UGGT2: variants seen among roughly 807,000 people sequenced by gnomAD.
The protein encoded by UGGT2 is UDP-glucose glycoprotein glucosyltransferase 2.
Under a neutral mutation model 192.1 loss-of-function variants are expected in UGGT2, and 180 were observed. The observed-to-expected ratio is 0.94, with a 90% CI of 0.83 to 1.06. The LOEUF is 1.06. Ranked by LOEUF, UGGT2 falls within the 50% of genes least tolerant of loss-of-function variation. The probability of loss-of-function intolerance (pLI) is 0.00; values close to 1 mark genes in which losing one functional copy is unlikely to be tolerated. For missense variants in UGGT2, 1,849 were observed against 1,795.7 expected, an observed-to-expected ratio of 1.03 and a Z score of -0.54; for synonymous variants, 580 against 591.0, an observed-to-expected ratio of 0.98 and a Z score of 0.27.
chr13:96,023,588 C>A (rs754218083), intron 3 of UGGT2, 41 bp downstream of exon 3: 1 of 1,575,538 alleles, frequency 6.3e-7, no homozygotes, highest in Admixed American at 1.8e-5. Flanking sequence ...ACATTGCTAG[C>A]GTGCCTCTTT....
intron 15 of UGGT2, among the ~76,000 whole-genome samples, chr13:95,942,219 A>AGGGGGTGTGTGTGTGTGTGTGT (rs201157034): frequency 1.4e-5 from 1 of 72,112 alleles, no homozygotes; most frequent in Non-Finnish European, 2.8e-5. Context: ...TCTTAGGGTG[A>AGGGGGTGTGTGTGTGTGTGTGT]GGGTGTGTGT....
intron 29 of UGGT2, among the ~76,000 whole-genome samples, chr13:95,870,337 T>C (rs1891111026): frequency 6.6e-6 from 1 of 152,218 alleles, no homozygotes; most frequent in Non-Finnish European, 1.5e-5. Flanking sequence ...GCTAAGGTTT[T>C]GGTTGATAAT....
intron 38 of UGGT2, among the ~76,000 whole-genome samples, chr13:95,829,426 G>A (rs1010505600): frequency 1.5e-4 from 23 of 152,262 alleles, no homozygotes; most frequent in African/African-American, 4.6e-4. Flanking sequence ...AAACCCCATC[G>A]TCTCAACCCC....
intron 1 of UGGT2, among the ~76,000 whole-genome samples, chr13:96,041,899 G>T (rs1206622421): frequency 6.6e-6 from 1 of 151,862 alleles, no homozygotes; most frequent in Non-Finnish European, 1.5e-5. Context: ...GCCCAGACAT[G>T]CCCTAGAAAT....
intron 38 of UGGT2, among the ~76,000 whole-genome samples, chr13:95,804,757 G>T (rs1419488541): frequency 1.3e-5 from 2 of 152,050 alleles, no homozygotes; most frequent in Non-Finnish European, 2.9e-5. Context: ...GAATAAAGCT[G>T]AACTCCTATC....
At chr13:95,960,234 A>G (rs1340173035) in intron 12 of UGGT2, among the ~76,000 whole-genome samples, 1 of 152,252 alleles carries the variant, frequency 6.6e-6, no homozygotes, top group Non-Finnish European at 1.5e-5. Context: ...CTCCAGCAAC[A>G]GATCCCAATC....
chr13:95,887,014 C>T (rs1448082017), intron 26 of UGGT2, among the ~76,000 whole-genome samples: 1 of 151,782 alleles, frequency 6.6e-6, no homozygotes, highest in Non-Finnish European at 1.5e-5. Context: ...GTGATGGTGC[C>T]CCAGCCTGGA....
At chr13:96,020,491 T>C (rs182238515) in intron 4 of UGGT2, among the ~76,000 whole-genome samples, 15 of 152,260 alleles carry the variant, frequency 9.9e-5, no homozygotes, top group Non-Finnish European at 1.2e-4. Context: ...TCACAAACAT[T>C]GACAGCATTC....
In UGGT2 at chr13:95,888,467, A is replaced by C. The variant is rs1488211972; in HGVS notation, c.2959-496T>G. 2.0e-5 allele frequency among the ~76,000 whole-genome samples: 3 copies of C among 152,314 alleles called. No individual in the cohort carries two copies. The East Asian group carries it at 5.8e-4, about 29-fold the overall frequency. On this transcript the variant is annotated intron_variant, in intron 25 of 38. Coordinates refer to ENST00000376747, the MANE Select transcript of UGGT2 (RefSeq NM_020121.4). ...ACTAATTTTGATAGTCCCCATCTCC[A>C]CATAGGCAACATGTCAGTGAAGATT...
chr13:95,989,637 T>C lies in UGGT2; in HGVS notation c.931+336A>G, dbSNP rs1007185571. 5 of 342,424 alleles carry C rather than the reference T, an allele frequency of 1.5e-5. No homozygotes were observed. In the Admixed American group the frequency reaches 1.6e-4, roughly 11 times the overall value. The allele number at this position is 342,424 out of a possible 1,614,324, so 21.2% of individuals were successfully genotyped here. ...AGAAGAAAACCAAGATTAAGTTTCA[T>C]TTTCTCCTTACCTAGGAGTTAGGAC... On this transcript the variant is annotated intron_variant, in intron 8 of 38. Transcript: ENST00000376747.
chr13:95,955,683 G>C (rs2050192114), intron 12 of UGGT2, among the ~76,000 whole-genome samples: 1 of 152,136 alleles, frequency 6.6e-6, no homozygotes, highest in Non-Finnish European at 1.5e-5. Flanking sequence ...ATGGGCAGTA[G>C]AGGGTTTGGT....
intron 12 of UGGT2, among the ~76,000 whole-genome samples, chr13:95,958,886 C>T (rs755604276): frequency 3.9e-5 from 6 of 152,180 alleles, no homozygotes; most frequent in East Asian, 1.9e-4. Context: ...GTTTCCACTA[C>T]GGACTCCTAC....
chr13:95,978,419 G>A (rs1319386350), intron 10 of UGGT2, among the ~76,000 whole-genome samples: 1 of 151,976 alleles, frequency 6.6e-6, no homozygotes, highest in Non-Finnish European at 1.5e-5. Flanking sequence ...ATATATTCTG[G>A]TTATCAATCC....
chr13:95,827,911 T>C (rs1262360340), intron 38 of UGGT2, among the ~76,000 whole-genome samples: 1 of 152,062 alleles, frequency 6.6e-6, no homozygotes, highest in Non-Finnish European at 1.5e-5. Flanking sequence ...AGTTTGAAGA[T>C]CCCCACAAAG....
At chr13:95,924,566 C>T (rs182340958) in intron 20 of UGGT2, among the ~76,000 whole-genome samples, 14 of 152,178 alleles carry the variant, frequency 9.2e-5, no homozygotes, top group African/African-American at 3.1e-4. Flanking sequence ...CAACGATCCC[C>T]ATCTCTGGTA....
At chr13:96,043,699 G>A (rs769171659) in intron 1 of UGGT2, among the ~76,000 whole-genome samples, 4 of 152,002 alleles carry the variant, frequency 2.6e-5, no homozygotes, top group Non-Finnish European at 5.9e-5. Flanking sequence ...GACACCAAAA[G>A]CGAGCAAGAG....
chr13:95,936,786 G>C, intron 17 of UGGT2, 138 bp downstream of exon 17: 2 of 896,804 alleles, frequency 2.2e-6, no homozygotes, highest in South Asian at 2.2e-5. Context: ...GCTGCTAAAA[G>C]TATCATTTTA....
chr13:95,932,311 TTGTGTGTGTGTGTG>T lies in UGGT2; in HGVS notation c.1977+4599_1977+4612del, dbSNP rs67135742. Among the ~76,000 whole-genome samples the T allele has an allele frequency of 2.4e-3, 340 of 139,508 alleles. 1 individual carries two copies. The highest frequency in any genetic ancestry group is 0.013 in the East Asian group (59 of 4,662). 91.5% of individuals were successfully genotyped at this position (139,508 alleles called of 152,430 possible). The stretch of plus-strand genomic sequence containing the variant: ...TTAGCTGTATTCCTAGGTATTTTAT[TTGTGTGTGTGTGTG>T]TGTGTGTGTGTGTGTGTGTGTGTGT... On this transcript the variant is annotated intron_variant, in intron 17 of 38. Coordinates refer to ENST00000376747, the MANE Select transcript of UGGT2 (RefSeq NM_020121.4).
At chr13:95,975,888 G>C (rs1242200812) in intron 10 of UGGT2, among the ~76,000 whole-genome samples, 2 of 152,098 alleles carry the variant, frequency 1.3e-5, no homozygotes, top group East Asian at 3.9e-4. Flanking sequence ...TTTGATAGAA[G>C]CATATAATGT....
Sources: gnomAD v4.1 joint callset for allele counts (sites outside exome capture counted in the v4.1 genomes callset) on GRCh38, gnomAD v4.1.1 for gene constraint, MANE v1.5 for transcripts, NCBI Gene and HGNC (gene_info 2026-07-23, HGNC 2026-07-21) for gene names.